FBXL2: variants seen among roughly 807,000 people sequenced by gnomAD.
FBXL2 encodes the protein F-box and leucine rich repeat protein 2.
Under a neutral mutation model 69.2 loss-of-function variants are expected in FBXL2, and 38 were observed. That is an observed-to-expected ratio of 0.55 (90% CI 0.42 to 0.72). The LOEUF (loss-of-function observed/expected upper bound fraction) is 0.72, where lower values mean the gene tolerates loss of function less well. FBXL2 is among the 30% of genes least tolerant of loss of function. The probability of loss-of-function intolerance (pLI) is 0.00; values close to 1 mark genes in which losing one functional copy is unlikely to be tolerated. For synonymous variants in FBXL2, 192 were observed against 201.3 expected (o/e 0.95, Z 0.39); for missense variants, 354 against 520.3 (o/e 0.68, Z 3.11).
intron 1 of FBXL2, among the ~76,000 whole-genome samples, chr3:33,286,156 C>T (rs1246594060): frequency 6.6e-6 from 1 of 152,214 alleles, no homozygotes; most frequent in African/African-American, 2.4e-5. Context: ...GGTTTCTCCT[C>T]ATCTTTGTGG....
At chr3:33,342,002 A>T (rs1462580455) in intron 2 of FBXL2, among the ~76,000 whole-genome samples, 1 of 132,290 alleles carries the variant, frequency 7.6e-6, no homozygotes, top group Non-Finnish European at 1.6e-5. Context: ...TCTTTTCTTT[A>T]TCTTTTTTTT....
intron 5 of FBXL2, 87 bp from the exon 6 acceptor site, chr3:33,373,005 C>T (rs1559624373): frequency 9.2e-7 from 1 of 1,089,994 alleles, no homozygotes; most frequent in African/African-American, 1.5e-5. Context: ...TTTGAGGGAG[C>T]GCTGTTCTAA....
intron 1 of FBXL2, among the ~76,000 whole-genome samples, chr3:33,285,982 A>G (rs565981744): frequency 6.6e-6 from 1 of 152,282 alleles, no homozygotes; most frequent in South Asian, 2.1e-4. Flanking sequence ...ATGGGTTCGA[A>G]CATCCTCCTT....
At chr3:33,333,871 A>G (rs2039359288) in intron 2 of FBXL2, among the ~76,000 whole-genome samples, 1 of 152,212 alleles carries the variant, frequency 6.6e-6, no homozygotes, top group Admixed American at 6.5e-5. Flanking sequence ...CAAAAAGCAA[A>G]CAAAAAGTAT....
intron 1 of FBXL2, among the ~76,000 whole-genome samples, chr3:33,296,792 A>T (rs2035786846): frequency 6.6e-6 from 1 of 152,156 alleles, no homozygotes; most frequent in South Asian, 2.1e-4. Flanking sequence ...TAACTGCTGT[A>T]GCTTTGTAGT....
intron 12 of FBXL2, chr3:33,400,973 T>G (rs756862799): frequency 6.3e-7 from 1 of 1,595,176 alleles, no homozygotes; most frequent in South Asian, 1.2e-5. Flanking sequence ...TCACCAGAGG[T>G]CTGTGAAGCT....
intron 2 of FBXL2, among the ~76,000 whole-genome samples, chr3:33,327,394 A>G (rs1392869685): frequency 6.6e-6 from 1 of 152,156 alleles, no homozygotes; most frequent in African/African-American, 2.4e-5. Flanking sequence ...GCTTCTTAAA[A>G]AAAAAAGTTT....
chr3:33,416,676 G>A, the FBXL2 span: 1 of 1,070,662 alleles, frequency 9.3e-7, no homozygotes, highest in Non-Finnish European at 1.3e-6. Context: ...AACAATTATT[G>A]AAGTGAAATT....
At chr3:33,420,661 G>GT in the FBXL2 span, among the ~76,000 whole-genome samples, 1 of 152,106 alleles carries the variant, frequency 6.6e-6, no homozygotes, top group Non-Finnish European at 1.5e-5. Context: ...GCTAATTTTT[G>GT]TATTTTTAGT....
intron 2 of FBXL2, among the ~76,000 whole-genome samples, chr3:33,344,531 G>A (rs1399986125): frequency 6.6e-6 from 1 of 152,018 alleles, no homozygotes; most frequent in Non-Finnish European, 1.5e-5. Flanking sequence ...ATAGGATTGA[G>A]ATAAAATCAT....
At chr3:33,285,016 A>C (rs1307645680) in intron 1 of FBXL2, among the ~76,000 whole-genome samples, 1 of 152,136 alleles carries the variant, frequency 6.6e-6, no homozygotes, top group African/African-American at 2.4e-5. Context: ...TGTGTCTTTT[A>C]ATTGGATCAT....
the FBXL2 span, among the ~76,000 whole-genome samples, chr3:33,420,751 T>A: frequency 6.6e-6 from 1 of 152,156 alleles, no homozygotes; most frequent in Non-Finnish European, 1.5e-5. Flanking sequence ...CCTCCCAAAG[T>A]GCTGGGTTTA....
the FBXL2 span, chr3:33,409,646 G>C: frequency 2.5e-6 from 4 of 1,612,242 alleles, no homozygotes; most frequent in Non-Finnish European, 3.4e-6. Flanking sequence ...AACTTCCACT[G>C]GTTATTTTTC....
At chr3:33,410,549 A>G in the FBXL2 span, among the ~76,000 whole-genome samples, 1 of 152,252 alleles carries the variant, frequency 6.6e-6, no homozygotes, top group South Asian at 2.1e-4. Context: ...TTTACAGTTC[A>G]TGCAAAGCAT....
chr3:33,402,776 G>A, intron 12 of FBXL2: 6 of 1,476,592 alleles, frequency 4.1e-6, no homozygotes, highest in Non-Finnish European at 5.4e-6. Flanking sequence ...TTAGCTGCAG[G>A]CACACGATCA....
At chr3:33,313,955 T>C (rs1286466030) in intron 2 of FBXL2, among the ~76,000 whole-genome samples, 2 of 152,224 alleles carry the variant, frequency 1.3e-5, no homozygotes, top group African/African-American at 4.8e-5. Flanking sequence ...TCATATTTTC[T>C]TTTCTTGATT....
chr3:33,310,283 C>T (rs2037074992), intron 2 of FBXL2, among the ~76,000 whole-genome samples: 1 of 152,042 alleles, frequency 6.6e-6, no homozygotes, highest in Non-Finnish European at 1.5e-5. Flanking sequence ...TCCCGAGTAG[C>T]TGGGACTACA....
rs540295489 is a variant in FBXL2 at position 33,386,783 on chromosome 3, A to G, written c.*1175A>G. On this transcript the variant is annotated 3_prime_UTR_variant, in exon 15 of 15. Coordinates refer to ENST00000484457, the MANE Select transcript of FBXL2 (RefSeq NM_012157.5). ...TTCATTCTTGCTCCATGCTGTCCATATTTATGATCTTTATTAAGAACCTGT... is the reference window on the plus strand; with the variant it reads ...TTCATTCTTGCTCCATGCTGTCCATGTTTATGATCTTTATTAAGAACCTGT... The G allele has an allele frequency of 1.3e-5, 2 of 148,764 alleles. No individual in the cohort carries two copies. The highest frequency in any genetic ancestry group is 5.0e-5 in the African/African-American group (2 of 40,256). The allele number at this position is 148,764 out of a possible 1,614,324, so 9.2% of individuals were successfully genotyped here.
intron 2 of FBXL2, among the ~76,000 whole-genome samples, chr3:33,352,213 G>A (rs974817875): frequency 2.0e-5 from 3 of 152,158 alleles, no homozygotes; most frequent in African/African-American, 7.2e-5. Context: ...GCAAAAGCAA[G>A]TCAATGGAGA....
Sources: gnomAD v4.1 joint callset for allele counts (sites outside exome capture counted in the v4.1 genomes callset) on GRCh38, gnomAD v4.1.1 for gene constraint, MANE v1.5 for transcripts, NCBI Gene and HGNC (gene_info 2026-07-23, HGNC 2026-07-21) for gene names.